Variants in CCDC30 observed in about 807,000 individuals in gnomAD.
The protein encoded by CCDC30 is coiled-coil domain-containing protein 30.
A neutral mutation model predicts 100.2 loss-of-function variants in CCDC30; 70 were observed. The observed-to-expected ratio is 0.70, with a 90% CI of 0.58 to 0.85. CCDC30 has a LOEUF of 0.85. CCDC30 is among the 40% of genes least tolerant of loss of function. The pLI is 0.00. For synonymous variants in CCDC30, 233 were observed against 269.5 expected, an observed-to-expected ratio of 0.86 and a Z score of 1.33; for missense variants, 652 against 771.2, an observed-to-expected ratio of 0.85 and a Z score of 1.83.
At chr1:42,481,236 A>G (rs1275471850) in intron 2 of CCDC30, among the ~76,000 whole-genome samples, 1 of 152,104 alleles carries the variant, frequency 6.6e-6, no homozygotes, top group East Asian at 1.9e-4. Flanking sequence ...TTTTTTATTG[A>G]ATGTATCAAA....
chr1:42,643,967 G>A (rs2148688535), intron 13 of CCDC30, among the ~76,000 whole-genome samples: 1 of 152,182 alleles, frequency 6.6e-6, no homozygotes, highest in South Asian at 2.1e-4. Flanking sequence ...CACCCTAAAT[G>A]GGATCATATC....
chr1:42,479,631 C>T (rs1401081041), intron 1 of CCDC30, among the ~76,000 whole-genome samples: 2 of 150,792 alleles, frequency 1.3e-5, no homozygotes, highest in African/African-American at 4.9e-5. Context: ...TGAGGAATGC[C>T]TGCTCTAAAT....
At chr1:42,513,156 G>A (rs1453331284) in intron 6 of CCDC30, among the ~76,000 whole-genome samples, 1 of 152,154 alleles carries the variant, frequency 6.6e-6, no homozygotes, top group Non-Finnish European at 1.5e-5. Context: ...GAAGATTAAG[G>A]ACATGGACAT....
chr1:42,476,527 C>T (rs910405974), intron 1 of CCDC30, among the ~76,000 whole-genome samples: 2 of 151,904 alleles, frequency 1.3e-5, no homozygotes, highest in Admixed American at 1.3e-4. Context: ...CCTGTCTCTA[C>T]TAAAAATACA....
intron 1 of CCDC30, among the ~76,000 whole-genome samples, chr1:42,464,718 C>T (rs1643513565): frequency 6.6e-6 from 1 of 152,150 alleles, no homozygotes; most frequent in South Asian, 2.1e-4. Context: ...ATACGCATTC[C>T]TTGTTGAATC....
chr1:42,504,030 C>T (rs1358739414), intron 6 of CCDC30, among the ~76,000 whole-genome samples: 1 of 152,234 alleles, frequency 6.6e-6, no homozygotes, highest in Admixed American at 6.5e-5. Flanking sequence ...GCAAGCCAGT[C>T]ATTAGCATTG....
At chr1:42,457,143 C>T in the CCDC30 span, 1 of 1,589,024 alleles carries the variant, frequency 6.3e-7, no homozygotes, top group African/African-American at 1.3e-5. Context: ...ATCCCCTTAC[C>T]TCCTGCTTAC....
At chr1:42,490,895 C>T (rs1332848557) in intron 4 of CCDC30, among the ~76,000 whole-genome samples, 1 of 152,148 alleles carries the variant, frequency 6.6e-6, no homozygotes, top group Non-Finnish European at 1.5e-5. Context: ...CTTTATAATG[C>T]ATTTAACAAT....
intron 3 of CCDC30, among the ~76,000 whole-genome samples, chr1:42,487,073 T>C (rs1364003646): frequency 2.7e-5 from 4 of 148,084 alleles, no homozygotes; most frequent in Admixed American, 2.0e-4. Context: ...GCCTATGAGT[T>C]TGAGTCCAAC....
chr1:42,456,481 G>T, the CCDC30 span: 1 of 1,372,914 alleles, frequency 7.3e-7, no homozygotes, highest in South Asian at 1.5e-5. Context: ...CACTCAGTAC[G>T]GCGCGGCGCG....
At chr1:42,563,693 A>G (rs1383126794) in intron 6 of CCDC30, among the ~76,000 whole-genome samples, 2 of 152,168 alleles carry the variant, frequency 1.3e-5, no homozygotes, top group African/African-American at 2.4e-5. Flanking sequence ...CCTGACCAAC[A>G]TGGTGAAACC....
At chr1:42,498,866 C>T (rs1644266552) in exon 6 of CCDC30, 1 of 1,233,896 alleles carries the variant, frequency 8.1e-7, no homozygotes, top group African/African-American at 1.6e-5. Flanking sequence ...GAATAAGCAA[C>T]TTGGAAACCA....
chr1:42,533,539 G>A (rs1446104273), intron 6 of CCDC30, among the ~76,000 whole-genome samples: 1 of 152,130 alleles, frequency 6.6e-6, no homozygotes, highest in Non-Finnish European at 1.5e-5. Flanking sequence ...TGGCCCCAGG[G>A]CTCATTTTCT....
At chr1:42,637,116 C>T in intron 11 of CCDC30, 121 bp from the exon 16 acceptor site, 1 of 728,632 alleles carries the variant, frequency 1.4e-6, no homozygotes, top group Non-Finnish European at 2.2e-6. Context: ...TAAGTATCCA[C>T]ATCCGGTGCC....
intron 4 of CCDC30, among the ~76,000 whole-genome samples, chr1:42,495,436 G>A (rs543355860): frequency 6.6e-6 from 1 of 151,596 alleles, no homozygotes; most frequent in African/African-American, 2.4e-5. Context: ...CAGCACACCA[G>A]CATGTCACAT....
intron 11 of CCDC30, among the ~76,000 whole-genome samples, chr1:42,635,618 A>G (rs998856457): frequency 1.8e-4 from 28 of 151,388 alleles, no homozygotes; most frequent in African/African-American, 6.1e-4. Context: ...GACCATCCTG[A>G]CTAACACGGT....
intron 8 of CCDC30, among the ~76,000 whole-genome samples, chr1:42,577,996 A>T (rs557966719): frequency 1.3e-5 from 2 of 152,306 alleles, no homozygotes; most frequent in East Asian, 3.9e-4. Flanking sequence ...TAATTATCAT[A>T]TTCATCACAT....
At chr1:42,552,548 C>T (rs940960740) in intron 6 of CCDC30, among the ~76,000 whole-genome samples, 9 of 152,050 alleles carry the variant, frequency 5.9e-5, no homozygotes, top group Non-Finnish European at 1.2e-4. Flanking sequence ...AAATTTAAAG[C>T]ACCAATTCAT....
upstream of CCDC30, among the ~76,000 whole-genome samples, chr1:42,462,995 A>G (rs747484250): frequency 3.9e-5 from 6 of 152,222 alleles, no homozygotes; most frequent in Non-Finnish European, 7.3e-5. Flanking sequence ...CAGGGGCTCC[A>G]GCTGAGTCCT....
Sources: gnomAD v4.1 joint callset for allele counts (sites outside exome capture counted in the v4.1 genomes callset) on GRCh38, gnomAD v4.1.1 for gene constraint, MANE v1.5 for transcripts, NCBI Gene and HGNC (gene_info 2026-07-23, HGNC 2026-07-21) for gene names.